Variants in MAP4K3 observed in about 807,000 individuals in gnomAD.
MAP4K3 encodes mitogen-activated protein kinase kinase kinase kinase 3, also known as MAPK/ERK kinase kinase kinase 3.
MAP4K3 carries 94 observed loss-of-function variants against 143.5 expected under a neutral mutation model. The ratio of observed to expected loss-of-function variants is 0.65; its 90% CI spans 0.55 to 0.78. The LOEUF is 0.78. Ranked by LOEUF, MAP4K3 falls within the 30% of genes least tolerant of loss-of-function variation. MAP4K3 has a pLI of 0.00. For missense variants in MAP4K3, 1,077 were observed against 1,068.1 expected (o/e 1.01, Z -0.12); for synonymous variants, 416 against 347.2 (o/e 1.20, Z -2.20).
At chr2:39,276,852 A>G (rs1166048655) in intron 24 of MAP4K3, among the ~76,000 whole-genome samples, 3 of 152,146 alleles carry the variant, frequency 2.0e-5, no homozygotes, top group Non-Finnish European at 4.4e-5. Context: ...AGAGGAGGAG[A>G]GAAATGGGGA....
At chr2:39,418,229 G>C (rs779189639) in intron 1 of MAP4K3, among the ~76,000 whole-genome samples, 17 of 151,374 alleles carry the variant, frequency 1.1e-4, no homozygotes, top group Admixed American at 1.1e-3. Context: ...CAAATGATGG[G>C]GACCTATGAA....
rs781423488 is a variant in MAP4K3, at chr2:39,336,956, A to G, written c.378T>C (p.Tyr126=). The change falls in exon 6 of 34, where the codon TAT becomes TAC. Residue 126 remains tyrosine, a synonymous_variant. Transcript: ENST00000263881. ...TGTGCATTTTTCCTTTACTGTGAAG[A>G]TAATATAATCCCTGGAGTTTCAAAA... ...VSRETLQGLY[Y]LHSKGKMHRD... 2.9e-5 allele frequency: 39 copies of G among 1,345,450 alleles called. No individual in the cohort carries two copies. Among genetic ancestry groups the G allele is most frequent in the East Asian group, 2.2e-4 (9 of 41,388 alleles). The allele number at this position is 1,345,450 out of a possible 1,614,324, so 83.3% of individuals were successfully genotyped here. A position where few individuals can be genotyped will look rare whatever the true frequency, so the allele number is the denominator to read the frequency against.
intron 22 of MAP4K3, among the ~76,000 whole-genome samples, 186 bp downstream of exon 22, chr2:39,282,327 G>C (rs1298927394): frequency 6.6e-6 from 1 of 152,124 alleles, no homozygotes; most frequent in Non-Finnish European, 1.5e-5. Flanking sequence ...GTGAAACTCT[G>C]TCTCTATTAA....
In MAP4K3 at chr2:39,251,950, C is replaced by T. The variant is rs979500251; in HGVS notation, c.2542-65G>A. 23 of 985,134 alleles carry T rather than the reference C, an allele frequency of 2.3e-5. 1 individual carries two copies. In the South Asian group the frequency reaches 2.9e-4, roughly 13 times the overall value. The allele number at this position is 985,134 out of a possible 1,614,324, so 61.0% of individuals were successfully genotyped here. ...GACACAAAATTTTTAATGGGCACTT[C>T]ATTATAATTCAACAGAAAAGAAACA... On this transcript the variant is annotated intron_variant, in intron 32 of 33. Transcript: ENST00000263881.
At chr2:39,268,409 C>T (rs942002010) in intron 26 of MAP4K3, among the ~76,000 whole-genome samples, 2 of 151,764 alleles carry the variant, frequency 1.3e-5, no homozygotes, top group South Asian at 2.1e-4. Flanking sequence ...CAACCTCCGC[C>T]TCCCAGGTTC....
intron 2 of MAP4K3, among the ~76,000 whole-genome samples, chr2:39,371,162 G>C (rs1478522267): frequency 1.3e-5 from 2 of 152,040 alleles, no homozygotes; most frequent in Admixed American, 6.6e-5. Context: ...AGAAATCTTA[G>C]GGCATCTCAC....
At chr2:39,306,744 C>T (rs750050827) in intron 15 of MAP4K3, among the ~76,000 whole-genome samples, 1 of 152,192 alleles carries the variant, frequency 6.6e-6, no homozygotes, top group Non-Finnish European at 1.5e-5. Flanking sequence ...TGAAACAGAG[C>T]CAGCATCTGG....
intron 1 of MAP4K3, 104 bp downstream of exon 1, chr2:39,436,788 T>G (rs577919036): frequency 1.0e-6 from 1 of 963,576 alleles, no homozygotes. Flanking sequence ...GACTGCTCCC[T>G]GGCGCCAGCG....
chr2:39,371,813 A>G (rs2373529), intron 2 of MAP4K3, among the ~76,000 whole-genome samples: 1 of 151,288 alleles, frequency 6.6e-6, no homozygotes, highest in African/African-American at 2.4e-5. Flanking sequence ...CTCTCTCTCT[A>G]TATATATATA....
At chr2:39,365,437 T>A (rs924606902) in intron 2 of MAP4K3, among the ~76,000 whole-genome samples, 3 of 142,498 alleles carry the variant, frequency 2.1e-5, no homozygotes, top group Admixed American at 6.9e-5. Flanking sequence ...GTAATTTTTT[T>A]TTTTTTTTTT....
chr2:39,284,471 T>C (rs1427962614), intron 21 of MAP4K3, among the ~76,000 whole-genome samples: 5 of 152,158 alleles, frequency 3.3e-5, no homozygotes. Flanking sequence ...TAGCAAAACA[T>C]CATTTTAAAT....
chr2:39,387,297 C>T (rs1666530919), intron 1 of MAP4K3, among the ~76,000 whole-genome samples: 2 of 151,800 alleles, frequency 1.3e-5, no homozygotes, highest in South Asian at 2.1e-4. Flanking sequence ...TTTGGAAGTA[C>T]ATTAAATCTA....
chr2:39,332,720 C>T (rs1001424507), intron 7 of MAP4K3, among the ~76,000 whole-genome samples: 2 of 151,912 alleles, frequency 1.3e-5, no homozygotes, highest in African/African-American at 4.8e-5. Context: ...CTAAAAAGAA[C>T]AGGACATATC....
intron 1 of MAP4K3, among the ~76,000 whole-genome samples, chr2:39,404,617 CTTTTTTTTTT>C (rs1174319224): frequency 2.3e-5 from 2 of 86,116 alleles, no homozygotes; most frequent in East Asian, 2.8e-4. Context: ...TTCTTTCTTT[CTTTTTTTTTT>C]TTTTTTTTTT....
At chr2:39,319,710 A>C (rs1683241002) in intron 12 of MAP4K3, among the ~76,000 whole-genome samples, 1 of 152,226 alleles carries the variant, frequency 6.6e-6, no homozygotes, top group Admixed American at 6.6e-5. Flanking sequence ...ATGTAAGAAG[A>C]ATCCACTAAT....
At chr2:39,381,964 C>G (rs943661564) in intron 1 of MAP4K3, among the ~76,000 whole-genome samples, 1 of 152,176 alleles carries the variant, frequency 6.6e-6, no homozygotes, top group East Asian at 1.9e-4. Context: ...CCCATAGGTT[C>G]TGGGTAACCT....
intron 26 of MAP4K3, among the ~76,000 whole-genome samples, chr2:39,267,672 C>T (rs1344377455): frequency 2.4e-5 from 2 of 81,870 alleles, no homozygotes; most frequent in Non-Finnish European, 5.2e-5. Flanking sequence ...GAGCAAAACT[C>T]GGTCTCCAAA....
chr2:39,319,506 C>G (rs1683233062), intron 12 of MAP4K3, among the ~76,000 whole-genome samples: 1 of 152,214 alleles, frequency 6.6e-6, no homozygotes, highest in Admixed American at 6.5e-5. Flanking sequence ...GTTTGGTATA[C>G]TTGAGAGTCC....
chr2:39,433,023 G>T (rs562438262), intron 1 of MAP4K3, among the ~76,000 whole-genome samples: 1 of 152,300 alleles, frequency 6.6e-6, no homozygotes, highest in East Asian at 1.9e-4. Context: ...AAGTAAGTTT[G>T]GAGTTTGCTA....
Sources: gnomAD v4.1 joint callset for allele counts (sites outside exome capture counted in the v4.1 genomes callset) on GRCh38, gnomAD v4.1.1 for gene constraint, MANE v1.5 for transcripts, NCBI Gene and HGNC (gene_info 2026-07-23, HGNC 2026-07-21) for gene names.